DOCK4: variants seen among roughly 807,000 people sequenced by gnomAD.
The protein encoded by DOCK4 is dedicator of cytokinesis protein 4.
DOCK4 carries 97 observed loss-of-function variants against 268.1 expected under a neutral mutation model. That is an observed-to-expected ratio of 0.36 (90% confidence interval 0.31 to 0.43). The LOEUF (loss-of-function observed/expected upper bound fraction) is 0.43. Ranked by LOEUF, DOCK4 falls within the 20% of genes least tolerant of loss-of-function variation. DOCK4 has a pLI of 1.00. For missense variants in DOCK4, 2,145 were observed against 2,455.7 expected, an observed-to-expected ratio of 0.87 and a Z score of 2.67; for synonymous variants, 954 against 887.2, an observed-to-expected ratio of 1.08 and a Z score of -1.34.
intron 1 of DOCK4, among the ~76,000 whole-genome samples, chr7:112,020,337 A>AC (rs1236841118): frequency 6.6e-6 from 1 of 151,950 alleles, no homozygotes; most frequent in Non-Finnish European, 1.5e-5. Flanking sequence ...TCAATCCTGA[A>AC]CCCCCCAGGT....
At chr7:111,813,230 C>CA (rs1440034775) in intron 27 of DOCK4, among the ~76,000 whole-genome samples, 1 of 151,890 alleles carries the variant, frequency 6.6e-6, no homozygotes, top group East Asian at 1.9e-4. Context: ...ATGGGATTTG[C>CA]AATTGGAGGA....
At chr7:111,890,947 G>GT (rs1185121239) in intron 16 of DOCK4, among the ~76,000 whole-genome samples, 1 of 151,998 alleles carries the variant, frequency 6.6e-6, no homozygotes, top group Non-Finnish European at 1.5e-5. Context: ...TTTTAACGCA[G>GT]TTTTTTTTCA....
rs1467394050 is a variant in DOCK4 at position 111,747,368 on chromosome 7, G to C, written c.4492C>G (p.Gln1498Glu). Residue 1498 changes from glutamine (Q) to glutamate (E), a missense_variant, in exon 43 of 53, where the codon CAG becomes GAG. Gln to Glu is a conservative substitution (Grantham distance 29, BLOSUM62 2). This residue lies in a region of DOCK4 where 1,598 missense variants were observed against 1,986.7 expected (regional missense o/e 0.80). Transcript: ENST00000428084. ...KNQQLKTLISQCQTRQMQNIN... is the reference protein window; with the variant it reads ...KNQQLKTLISECQTRQMQNIN... The stretch of plus-strand genomic sequence containing the variant: ...TTCTGCATCTGTCTTGTCTGACACT[G>C]ACTAATCAGAGTCTTCAGCTGCTGA... The C allele has an allele frequency of 2.5e-6, 4 of 1,613,254 alleles. No homozygotes were observed. The highest frequency in any genetic ancestry group is 3.4e-6 in the Non-Finnish European group (4 of 1,179,654).
chr7:111,796,517 GT>G (rs1301526701), intron 30 of DOCK4, among the ~76,000 whole-genome samples: 1 of 152,192 alleles, frequency 6.6e-6, no homozygotes, highest in Admixed American at 6.5e-5. Flanking sequence ...TCAAATGTTA[GT>G]CTCAATATTT....
chr7:112,174,839 T>C (rs1010280561), intron 1 of DOCK4, among the ~76,000 whole-genome samples: 2 of 152,214 alleles, frequency 1.3e-5, no homozygotes, highest in African/African-American at 2.4e-5. Flanking sequence ...TTTATCTCAA[T>C]GTTTTAAAAA....
chr7:111,854,991 C>G (rs1804883504), intron 23 of DOCK4, among the ~76,000 whole-genome samples: 1 of 152,176 alleles, frequency 6.6e-6, no homozygotes, highest in South Asian at 2.1e-4. Context: ...ACCAAAATTT[C>G]TTGAGAAAAT....
At chr7:112,041,731 G>A (rs962461918) in intron 1 of DOCK4, among the ~76,000 whole-genome samples, 1 of 152,104 alleles carries the variant, frequency 6.6e-6, no homozygotes, top group Non-Finnish European at 1.5e-5. Flanking sequence ...TCCCACTTAT[G>A]AGTTTCCTTT....
Position 111,844,834 on chromosome 7 carries a change from T to G in DOCK4, c.2665A>C (p.Thr889Pro). Residue 889 changes from threonine (T) to proline (P), a missense_variant, in exon 25 of 53, where the codon ACC becomes CCC. Thr to Pro is a conservative substitution (Grantham distance 38, BLOSUM62 -1). Around this residue, in one of 2 missense-constraint regions of DOCK4, gnomAD observed 1,598 missense variants for 1,986.7 expected, o/e 0.80. Transcript: ENST00000428084. ...VASLLDILLR[T>P]ILEITSRPQP... is the part of the protein sequence containing the mutation. ...GGTCGGCTGGTGATCTCCAATATGG[T>G]CCTCAGCAGAATATCCAGCAAGCTG... 6.2e-7 allele frequency: 1 copy of G among 1,613,580 alleles called. No homozygotes were observed. The highest frequency in any genetic ancestry group is 8.5e-7 in the Non-Finnish European group (1 of 1,179,656).
chr7:112,189,794 C>T (rs1819785682), intron 1 of DOCK4, among the ~76,000 whole-genome samples: 1 of 125,012 alleles, frequency 8.0e-6, no homozygotes, highest in Non-Finnish European at 1.6e-5. Context: ...ATTGCCCAGA[C>T]TGGTCTCAAA....
chr7:112,011,762 A>AAC (rs1170490999), intron 1 of DOCK4, among the ~76,000 whole-genome samples: 2 of 151,588 alleles, frequency 1.3e-5, no homozygotes, highest in African/African-American at 4.9e-5. Context: ...AAAAACAAAA[A>AAC]AAAAACCTTT....
At chr7:111,752,586 T>A (rs1009438208) in intron 42 of DOCK4, among the ~76,000 whole-genome samples, 3 of 141,074 alleles carry the variant, frequency 2.1e-5, no homozygotes, top group Non-Finnish European at 4.7e-5. Flanking sequence ...AGGTTTTTTT[T>A]TTTTTTTTTT....
At chr7:112,005,061 A>G (rs1187919578) in intron 1 of DOCK4, among the ~76,000 whole-genome samples, 1 of 152,220 alleles carries the variant, frequency 6.6e-6, no homozygotes, top group African/African-American at 2.4e-5. Context: ...ACACAAAAAG[A>G]AAGAAGACAG....
At chr7:112,030,475 T>C (rs1197663429) in intron 1 of DOCK4, among the ~76,000 whole-genome samples, 1 of 152,232 alleles carries the variant, frequency 6.6e-6, no homozygotes, top group Non-Finnish European at 1.5e-5. Flanking sequence ...GCAAGGTGGC[T>C]GTAGTGAACA....
intron 11 of DOCK4, among the ~76,000 whole-genome samples, chr7:111,936,485 A>AATGGATGGATGG (rs56276228): frequency 1.6e-4 from 23 of 148,052 alleles, no homozygotes; most frequent in Non-Finnish European, 2.8e-4. Flanking sequence ...CAGTGGTATG[A>AATGGATGGATGG]ATGGATGGAT....
chr7:111,981,399 C>G (rs1488205632), intron 7 of DOCK4, among the ~76,000 whole-genome samples: 1 of 152,170 alleles, frequency 6.6e-6, no homozygotes, highest in African/African-American at 2.4e-5. Flanking sequence ...GAAAAAGAAA[C>G]TGCCTTATGG....
Position 112,044,830 on chromosome 7 carries a change from C to A in DOCK4, c.38-40699G>T, listed in dbSNP as rs118102505. Reference sequence around the variant, plus strand: ...CCTGAGTTGAACCATCTCACACCACCACAACTACAATTATCCTGGCCCAAG... The same window carrying A: ...CCTGAGTTGAACCATCTCACACCACAACAACTACAATTATCCTGGCCCAAG... On this transcript the variant is annotated intron_variant, in intron 1 of 52. Transcript: ENST00000428084. 3.2e-4 allele frequency among the ~76,000 whole-genome samples: 48 copies of A among 152,186 alleles called. 2 individuals carry two copies. The East Asian group carries it at 8.9e-3, about 28-fold the overall frequency.
At chr7:111,988,905 A>C in intron 6 of DOCK4, 110 bp downstream of exon 6, 2 of 1,428,434 alleles carry the variant, frequency 1.4e-6, no homozygotes, top group Non-Finnish European at 1.9e-6. Flanking sequence ...AGGAAACATG[A>C]AAAAGCCCAT....
intron 1 of DOCK4, among the ~76,000 whole-genome samples, chr7:112,201,653 T>C (rs980327252): frequency 1.7e-5 from 1 of 58,980 alleles, no homozygotes; most frequent in East Asian, 4.4e-4. Context: ...TAAGGCGGGG[T>C]GGGGAGGGGG....
intron 8 of DOCK4, among the ~76,000 whole-genome samples, chr7:111,969,840 C>G (rs914800071): frequency 1.3e-5 from 2 of 152,158 alleles, no homozygotes; most frequent in Non-Finnish European, 2.9e-5. Flanking sequence ...ATTTTAAATG[C>G]AAGCTAAAGG....
Sources: gnomAD v4.1 joint callset for allele counts (sites outside exome capture counted in the v4.1 genomes callset) on GRCh38, gnomAD v4.1.1 for gene constraint, gnomAD v4.1.1 regional missense constraint, MANE v1.5 for transcripts, NCBI Gene and HGNC (gene_info 2026-07-23, HGNC 2026-07-21) for gene names.